NBPF15: variants seen among roughly 807,000 people sequenced by gnomAD.
The protein encoded by NBPF15 is NBPF family member NBPF15.
In NBPF15, 74 loss-of-function variants were observed where a neutral mutation model predicts 62.2. The observed-to-expected ratio is 1.19, with a 90% CI of 0.99 to 1.44. NBPF15 has a LOEUF of 1.44. NBPF15 is among the 40% of genes most tolerant of loss of function. NBPF15 has a pLI of 0.00. For missense variants in NBPF15, 790 were observed against 550.0 expected, an observed-to-expected ratio of 1.44 and a Z score of -4.36; for synonymous variants, 244 against 209.7, an observed-to-expected ratio of 1.16 and a Z score of -1.41.
At position 144,426,351 on chromosome 1, in the gene NBPF15, G is replaced by T; in HGVS notation, c.1365C>A (p.Asp455Glu). ...CAGCACTGCTGTAGGGCTGGCCTAA[G>T]TCAGGCAGTTCAAGATAATCTGAAG... Reference protein sequence around the residue: ...STPSDYLELPDLGQPYSSAVY... With the variant: ...STPSDYLELPELGQPYSSAVY... Residue 455 changes from aspartate (D) to glutamate (E), a missense_variant, in exon 18 of 22, where the codon GAC becomes GAA. Physicochemically the swap from Asp to Glu is conservative, Grantham distance 45. Transcript: ENST00000581897. 4.8e-6 allele frequency: 4 copies of T among 827,582 alleles called. No homozygotes were observed. The highest frequency in any genetic ancestry group is 2.4e-5 in the East Asian group (1 of 41,164). The allele number at this position is 827,582 out of a possible 1,614,324, so 51.3% of individuals were successfully genotyped here. A position where few individuals can be genotyped will look rare whatever the true frequency, so the allele number is the denominator to read the frequency against.
chr1:144,447,550 G>C (rs1331776234), intron 6 of NBPF15, among the ~76,000 whole-genome samples: 1 of 151,800 alleles, frequency 6.6e-6, no homozygotes, highest in Non-Finnish European at 1.5e-5. Flanking sequence ...TTCTAGAAGG[G>C]ACAAGCCCCA....
chr1:144,458,381 G>A (rs1229611229), intron 3 of NBPF15, among the ~76,000 whole-genome samples: 1 of 151,462 alleles, frequency 6.6e-6, no homozygotes, highest in Non-Finnish European at 1.5e-5. Flanking sequence ...AGCAATCACT[G>A]TGAACACCAC....
intron 18 of NBPF15, 65 bp from the exon 19 acceptor site, chr1:144,425,633 T>G (rs1669199269): frequency 5.4e-6 from 3 of 552,476 alleles, no homozygotes; most frequent in Non-Finnish European, 9.5e-6. Flanking sequence ...AACAGTCCAC[T>G]GTCTAATCCC....
At chr1:144,433,173 A>C (rs1675777000) in intron 13 of NBPF15, among the ~76,000 whole-genome samples, 3 of 152,040 alleles carry the variant, frequency 2.0e-5, no homozygotes, top group Non-Finnish European at 4.4e-5. Flanking sequence ...AACTACATGG[A>C]AACTCAACAA....
At chr1:144,458,808 A>G (rs1553547685) in intron 3 of NBPF15, among the ~76,000 whole-genome samples, 1 of 151,702 alleles carries the variant, frequency 6.6e-6, no homozygotes, top group Non-Finnish European at 1.5e-5. Context: ...GGGAGGTTGA[A>G]GTGGGAAGAT....
chr1:144,436,691 AGGAGG>A (rs1678689621), intron 10 of NBPF15, among the ~76,000 whole-genome samples, 199 bp downstream of exon 10: 2 of 151,992 alleles, frequency 1.3e-5, no homozygotes. Flanking sequence ...CCATCAAGGG[AGGAGG>A]GACACTTGCA....
In NBPF15 at chr1:144,459,348, G is replaced by C. The variant is rs1553547806; in HGVS notation, c.-701+18C>G. ...TCTACTAAAAATACAGAAAAGAGCTGAGTGTGGTGGTGCTCACCTGTAGGT... is the reference window on the plus strand; with the variant it reads ...TCTACTAAAAATACAGAAAAGAGCTCAGTGTGGTGGTGCTCACCTGTAGGT... On this transcript the variant is annotated intron_variant, in intron 3 of 21. Transcript: ENST00000581897. 1 of 151,960 alleles carries C rather than the reference G, an allele frequency of 6.6e-6. No homozygotes were observed. The highest frequency in any genetic ancestry group is 1.5e-5 in the Non-Finnish European group (1 of 67,980). 9.4% of individuals were successfully genotyped at this position (151,960 alleles called of 1,614,324 possible).
At chr1:144,458,659 A>C (rs1339596546) in intron 3 of NBPF15, among the ~76,000 whole-genome samples, 1 of 151,342 alleles carries the variant, frequency 6.6e-6, no homozygotes, top group Non-Finnish European at 1.5e-5. Flanking sequence ...ATCCGATTTA[A>C]GAAAAAAAGT....
At chr1:144,429,144 A>T (rs1174552565) in intron 14 of NBPF15, among the ~76,000 whole-genome samples, 1 of 151,776 alleles carries the variant, frequency 6.6e-6, no homozygotes, top group Non-Finnish European at 1.5e-5. Flanking sequence ...GTGAAAAGTC[A>T]GCCGTTTATC....
chr1:144,432,856 G>A (rs1196938377), intron 13 of NBPF15, among the ~76,000 whole-genome samples: 3 of 151,858 alleles, frequency 2.0e-5, no homozygotes, highest in African/African-American at 7.3e-5. Context: ...AATCATAATG[G>A]GAGACTTTAA....
Position 144,435,316 on chromosome 1 carries a change from C to G in NBPF15, c.567G>C (p.Arg189Ser), listed in dbSNP as rs1467945960. The G allele has an allele frequency of 1.3e-5, 21 of 1,585,214 alleles. No individual in the cohort carries two copies. The East Asian group carries it at 4.5e-4, about 34-fold the overall frequency. Reference sequence around the variant, plus strand: ...CCTTTTCTTCAGCCTTCTGCATCTCCCTGATGAGCCAGGTGGGACAGAGAT... The same window carrying G: ...CCTTTTCTTCAGCCTTCTGCATCTCGCTGATGAGCCAGGTGGGACAGAGAT... ...AEKVQKSSAP[R>S]EMQKAEEKEV... Residue 189 changes from arginine to serine, a missense_variant and splice_region_variant, in exon 12 of 22, where the codon AGG becomes AGC. Coordinates refer to ENST00000581897, the MANE Select transcript of NBPF15 (RefSeq NM_001385408.1).
At chr1:144,424,025 C>G (rs201220418) in intron 20 of NBPF15, 50 bp from the exon 21 acceptor site, 2 of 761,536 alleles carry the variant, frequency 2.6e-6, no homozygotes, top group African/African-American at 3.4e-5. Context: ...TTCCCCTACA[C>G]ATATAACAAT....
At chr1:144,436,727 A>G (rs1269498920) in intron 10 of NBPF15, among the ~76,000 whole-genome samples, 168 bp downstream of exon 10, 2 of 152,128 alleles carry the variant, frequency 1.3e-5, no homozygotes, top group East Asian at 1.9e-4. Context: ...CTCCAACCCC[A>G]TGGGTTTCCC....
intron 6 of NBPF15, among the ~76,000 whole-genome samples, chr1:144,447,230 C>T (rs1181130475): frequency 3.1e-4 from 47 of 152,336 alleles, no homozygotes; most frequent in South Asian, 6.2e-4. Context: ...GACCTTTACA[C>T]GCACGCCGCT....
In NBPF15 at chr1:144,422,801, A is replaced by T; in HGVS notation, c.*212T>A. The T allele has an allele frequency of 8.2e-7, 1 of 1,224,528 alleles. No individual in the cohort carries two copies. Among genetic ancestry groups the T allele is most frequent in the East Asian group, 2.4e-5 (1 of 42,470 alleles). The allele number at this position is 1,224,528 out of a possible 1,614,324, so 75.9% of individuals were successfully genotyped here. ...TGATCACTCCCGGCATGTTCTGCAC[A>T]GTTATGTGAACGTGTCACACCTAAC... On this transcript the variant is annotated 3_prime_UTR_variant, in exon 22 of 22. Transcript: ENST00000581897.
intron 6 of NBPF15, among the ~76,000 whole-genome samples, chr1:144,440,869 C>G (rs2102254580): frequency 6.6e-6 from 1 of 151,298 alleles, no homozygotes; most frequent in East Asian, 1.9e-4. Context: ...CGGGGTTTCA[C>G]TGTGTTAGCC....
chr1:144,461,029 C>T (rs374517451), intron 1 of NBPF15, 68 bp from the exon 2 acceptor site: 4 of 150,924 alleles, frequency 2.7e-5, no homozygotes, highest in East Asian at 4.0e-4. Context: ...GTCAGGGGCG[C>T]GAGTGGTCTC....
rs1415683045 is a variant in NBPF15 at position 144,422,673 on chromosome 1, A to G, written c.*340T>C. On this transcript the variant is annotated 3_prime_UTR_variant, in exon 22 of 22. Coordinates refer to ENST00000581897, the MANE Select transcript of NBPF15 (RefSeq NM_001385408.1). ...TGAGCTAAACACAAAGATGACAATG[A>G]CCTTGAGCAGGTATAGAAGCTCAGA... The G allele has an allele frequency of 2.2e-6, 1 of 453,984 alleles. No homozygotes were observed. The highest frequency in any genetic ancestry group is 4.3e-5 in the East Asian group (1 of 23,104). 28.1% of individuals were successfully genotyped at this position (453,984 alleles called of 1,614,324 possible).
chr1:144,449,583 G>A (rs1416190789), intron 5 of NBPF15, among the ~76,000 whole-genome samples: 2 of 151,990 alleles, frequency 1.3e-5, no homozygotes, highest in Admixed American at 6.6e-5. Flanking sequence ...ACGCAAAAGA[G>A]TGTGAGGAAA....
Sources: gnomAD v4.1 joint callset for allele counts (sites outside exome capture counted in the v4.1 genomes callset) on GRCh38, gnomAD v4.1.1 for gene constraint, MANE v1.5 for transcripts, NCBI Gene and HGNC (gene_info 2026-07-23, HGNC 2026-07-21) for gene names.